The following B3GALT1 variants were observed in gnomAD, a reference collection of about 807,000 sequenced individuals.
B3GALT1 encodes the protein beta-1,3-galactosyltransferase 1.
Under a neutral mutation model 23.2 loss-of-function variants are expected in B3GALT1, and 10 were observed. The observed-to-expected ratio is 0.43, with a 90% confidence interval of 0.27 to 0.73. The LOEUF (loss-of-function observed/expected upper bound fraction) is 0.73. Among genes scored for constraint, B3GALT1 ranks in the 30% least tolerant of loss-of-function variants. The pLI is 0.21. For synonymous variants in B3GALT1, 156 were observed against 141.5 expected, an observed-to-expected ratio of 1.10 and a Z score of -0.73; for missense variants, 299 against 405.4, an observed-to-expected ratio of 0.74 and a Z score of 2.25.
chr2:167,429,379 G>A (rs1488453265), intron 1 of B3GALT1, among the ~76,000 whole-genome samples: 3 of 151,880 alleles, frequency 2.0e-5, no homozygotes. Context: ...GTTAACATTA[G>A]CATGCTAAAA....
intron 2 of B3GALT1, among the ~76,000 whole-genome samples, chr2:167,616,448 A>C (rs567653998): frequency 6.6e-6 from 1 of 152,176 alleles, no homozygotes; most frequent in Admixed American, 6.5e-5. Context: ...CACACATGTA[A>C]TCCCAGCACT....
intron 1 of B3GALT1, among the ~76,000 whole-genome samples, chr2:167,339,135 T>C (rs898098263): frequency 3.3e-5 from 5 of 152,114 alleles, no homozygotes; most frequent in Admixed American, 1.3e-4. Context: ...CTTAGACATG[T>C]GGAAGAAGAA....
At chr2:167,522,003 T>TATATATAC (rs1477275127) in intron 2 of B3GALT1, among the ~76,000 whole-genome samples, 1 of 145,208 alleles carries the variant, frequency 6.9e-6, no homozygotes, top group East Asian at 2.0e-4. Context: ...TATATATATA[T>TATATATAC]ATACACATAT....
chr2:167,509,281 A>C (rs2105352973), intron 2 of B3GALT1, among the ~76,000 whole-genome samples: 1 of 152,330 alleles, frequency 6.6e-6, no homozygotes, highest in East Asian at 1.9e-4. Flanking sequence ...ATGCATAGTA[A>C]ATATCAAATG....
chr2:167,305,073 C>T (rs541158948), intron 1 of B3GALT1, among the ~76,000 whole-genome samples: 1 of 152,292 alleles, frequency 6.6e-6, no homozygotes, highest in South Asian at 2.1e-4. Context: ...AGATGCTCAT[C>T]TCATCCATCT....
intron 2 of B3GALT1, among the ~76,000 whole-genome samples, chr2:167,555,056 TG>T (rs1359673717): frequency 1.3e-5 from 2 of 152,160 alleles, no homozygotes; most frequent in East Asian, 3.8e-4. Flanking sequence ...TCCAAATGTG[TG>T]TAATAGACTT....
intron 3 of B3GALT1, among the ~76,000 whole-genome samples, chr2:167,666,392 G>C (rs1323401412): frequency 1.3e-5 from 2 of 152,114 alleles, no homozygotes; most frequent in Non-Finnish European, 2.9e-5. Context: ...TTTTGGAATA[G>C]GTGTGGTGTG....
At chr2:167,832,566 CAATTA>C (rs1400607051) in intron 4 of B3GALT1, among the ~76,000 whole-genome samples, 1 of 152,148 alleles carries the variant, frequency 6.6e-6, no homozygotes, top group African/African-American at 2.4e-5. Flanking sequence ...TGAGGAGTTT[CAATTA>C]AATATGAGGA....
At chr2:167,609,029 G>A (rs1330739554) in intron 2 of B3GALT1, among the ~76,000 whole-genome samples, 3 of 152,052 alleles carry the variant, frequency 2.0e-5, no homozygotes, top group African/African-American at 7.2e-5. Flanking sequence ...TACACTTATT[G>A]ATGTATCTGT....
At chr2:167,513,257 CTT>C (rs1700055315) in intron 2 of B3GALT1, among the ~76,000 whole-genome samples, 1 of 151,232 alleles carries the variant, frequency 6.6e-6, no homozygotes, top group African/African-American at 2.5e-5. Context: ...ATTAAAATCT[CTT>C]CACCTAACAT....
At chr2:167,369,809 A>G (rs1034079525) in intron 1 of B3GALT1, among the ~76,000 whole-genome samples, 1 of 152,206 alleles carries the variant, frequency 6.6e-6, no homozygotes, top group African/African-American at 2.4e-5. Context: ...AGTTTTAGAG[A>G]GTATTTTAGC....
intron 2 of B3GALT1, among the ~76,000 whole-genome samples, chr2:167,517,579 A>G (rs942248003): frequency 1.3e-5 from 2 of 151,956 alleles, no homozygotes; most frequent in African/African-American, 4.8e-5. Flanking sequence ...ATTGATTACC[A>G]TTAGTGTGAG....
intron 2 of B3GALT1, among the ~76,000 whole-genome samples, chr2:167,502,883 A>G (rs1010462635): frequency 1.3e-5 from 2 of 152,106 alleles, no homozygotes; most frequent in Non-Finnish European, 2.9e-5. Context: ...TACTAAAAAT[A>G]CAAAAATTAG....
In B3GALT1 at chr2:167,869,356, A is replaced by G; in HGVS notation, c.317A>G (p.Asn106Ser). 6.2e-7 allele frequency: 1 copy of G among 1,614,124 alleles called. No homozygotes were observed. The highest frequency in any genetic ancestry group is 1.1e-5 in the South Asian group (1 of 91,076). The stretch of plus-strand genomic sequence containing the variant: ...AGAGAGACGTGGGGGGATGAGAACA[A>G]CTTTAAGGGGATCAAGATAGCCACC... The part of the protein sequence containing the change: ...AIRETWGDEN[N>S]FKGIKIATLF... Residue 106 changes from asparagine to serine, a missense_variant, in exon 5 of 5, where the codon AAC (asparagine) becomes AGC (serine). Physicochemically the swap from Asn to Ser is conservative, Grantham distance 46. Coordinates refer to ENST00000392690, the MANE Select transcript of B3GALT1 (RefSeq NM_020981.4). The surrounding 1 kb of genome is among the most constrained non-coding windows in gnomAD (Gnocchi z 6.4).
At chr2:167,786,430 C>G (rs557269881) in intron 3 of B3GALT1, among the ~76,000 whole-genome samples, 1 of 152,292 alleles carries the variant, frequency 6.6e-6, no homozygotes, top group East Asian at 1.9e-4. Context: ...TGGCTGCAGT[C>G]ATACTACCCT....
At chr2:167,440,995 TATAAAGA>T (rs1698884665) in intron 1 of B3GALT1, among the ~76,000 whole-genome samples, 1 of 152,356 alleles carries the variant, frequency 6.6e-6, no homozygotes, top group East Asian at 1.9e-4. Context: ...CATTTGATAT[TATAAAGA>T]ATAGAGTCTA....
intron 1 of B3GALT1, among the ~76,000 whole-genome samples, chr2:167,303,644 T>TACACACAC (rs61323885): frequency 4.1e-4 from 60 of 144,990 alleles, no homozygotes; most frequent in African/African-American, 1.4e-3. Flanking sequence ...AACACACACA[T>TACACACAC]ACACACACAC....
At chr2:167,353,217 A>G (rs1438548438) in intron 1 of B3GALT1, among the ~76,000 whole-genome samples, 1 of 152,192 alleles carries the variant, frequency 6.6e-6, no homozygotes, top group Admixed American at 6.5e-5. Flanking sequence ...CTGAATATAT[A>G]CAGGATAATT....
rs186150724 is a variant in B3GALT1 at position 167,798,380 on chromosome 2, A to G, written c.-351-20292A>G. Among the ~76,000 whole-genome samples, 228 of 152,124 alleles carry G rather than the reference A, an allele frequency of 1.5e-3. 1 individual carries two copies. The highest frequency in any genetic ancestry group is 2.1e-3 in the Non-Finnish European group (145 of 67,992). ...TGCCCATGCCTGTGTCCTGAATGGTATTGCCTAGGCTTTCTTCTAGGGTTT... is the reference window on the plus strand; with the variant it reads ...TGCCCATGCCTGTGTCCTGAATGGTGTTGCCTAGGCTTTCTTCTAGGGTTT... On this transcript the variant is annotated intron_variant, in intron 3 of 4. Transcript: ENST00000392690.
Sources: allele counts gnomAD v4.1 joint callset (sites outside exome capture counted in the v4.1 genomes callset), GRCh38; gene constraint gnomAD v4.1.1; non-coding constraint Gnocchi (gnomAD v3.1); transcripts MANE v1.5; gene names NCBI Gene and HGNC (gene_info 2026-07-23, HGNC 2026-07-21).